Variants in IGSF11 observed in about 807,000 individuals in gnomAD.
IGSF11 encodes the protein immunoglobulin superfamily member 11.
In IGSF11, 22 loss-of-function variants were observed where a neutral mutation model predicts 41.0. The ratio of observed to expected loss-of-function variants is 0.54; its 90% CI spans 0.38 to 0.77. The LOEUF (loss-of-function observed/expected upper bound fraction) is 0.77, where lower values mean the gene tolerates loss of function less well. IGSF11 is among the 30% of genes least tolerant of loss of function. The pLI is 0.00. For missense variants in IGSF11, 444 were observed against 530.8 expected, an observed-to-expected ratio of 0.84 and a Z score of 1.61; for synonymous variants, 219 against 201.3, an observed-to-expected ratio of 1.09 and a Z score of -0.74.
At chr3:119,079,254 G>A (rs1367918936) in intron 1 of IGSF11, among the ~76,000 whole-genome samples, 4 of 152,102 alleles carry the variant, frequency 2.6e-5, no homozygotes, top group Non-Finnish European at 4.4e-5. Context: ...AGCTACTTGG[G>A]AGGCTGAGGC....
At chr3:119,058,571 C>A (rs1941940109) in intron 1 of IGSF11, among the ~76,000 whole-genome samples, 1 of 152,188 alleles carries the variant, frequency 6.6e-6, no homozygotes, top group African/African-American at 2.4e-5. Context: ...TGTGGCGATT[C>A]CTCAGGGATC....
intron 1 of IGSF11, among the ~76,000 whole-genome samples, chr3:118,942,536 A>C (rs192052049): frequency 6.6e-6 from 1 of 152,346 alleles, no homozygotes; most frequent in Non-Finnish European, 1.5e-5. Context: ...AGTCCAAGCT[A>C]CACAAGAGGC....
rs564264688 is a variant in IGSF11 at position 119,060,406 on chromosome 3, T to C, written c.49+44738A>G. ...AAGAACCATAAGATTTTGAAAAAAT[T>C]GCCTCCAATCTGATAGCACATATGA... On this transcript the variant is annotated intron_variant, in intron 1 of 6. Transcript: ENST00000354673. Among the ~76,000 whole-genome samples, 7 of 152,252 alleles carry C rather than the reference T, an allele frequency of 4.6e-5. No individual in the cohort carries two copies. In the South Asian group the frequency reaches 1.5e-3, roughly 32 times the overall value.
At chr3:118,977,014 A>G (rs1417444964) in intron 1 of IGSF11, among the ~76,000 whole-genome samples, 1 of 152,196 alleles carries the variant, frequency 6.6e-6, no homozygotes, top group African/African-American at 2.4e-5. Context: ...ATGTTCATTT[A>G]TTAATGGAAA....
At chr3:118,930,378 T>A in intron 1 of IGSF11, 103 bp from the exon 2 acceptor site, 5 of 1,101,694 alleles carry the variant, frequency 4.5e-6, no homozygotes, top group Non-Finnish European at 5.1e-6. Flanking sequence ...TATTATTGAT[T>A]ATGTGAACAG....
At chr3:118,919,999 C>CT (rs1163309074) in intron 4 of IGSF11, among the ~76,000 whole-genome samples, 1 of 134,950 alleles carries the variant, frequency 7.4e-6, no homozygotes, top group Non-Finnish European at 1.6e-5. Flanking sequence ...TCTCAGTAAA[C>CT]TATCGCAAGA....
intron 1 of IGSF11, among the ~76,000 whole-genome samples, chr3:119,136,855 T>A (rs1490472392): frequency 6.6e-6 from 1 of 152,010 alleles, no homozygotes; most frequent in Non-Finnish European, 1.5e-5. Flanking sequence ...AAAAAAACTA[T>A]TAGAACTGAT....
chr3:119,011,841 C>G (rs1304317716), intron 1 of IGSF11, among the ~76,000 whole-genome samples: 1 of 151,944 alleles, frequency 6.6e-6, no homozygotes, highest in African/African-American at 2.4e-5. Context: ...ACACAGCATT[C>G]AAAATGTTGA....
intron 1 of IGSF11, among the ~76,000 whole-genome samples, chr3:118,937,830 C>G (rs894708783): frequency 6.6e-6 from 1 of 152,120 alleles, no homozygotes; most frequent in Non-Finnish European, 1.5e-5. Context: ...TAATTGTATT[C>G]TATTTCTATG....
chr3:119,109,885 T>A (rs2077114692), upstream of IGSF11, among the ~76,000 whole-genome samples: 1 of 152,210 alleles, frequency 6.6e-6, no homozygotes, highest in African/African-American at 2.4e-5. Context: ...TCAGTTTCCA[T>A]GTAGTTGAGC....
At chr3:119,141,802 T>G (rs547362817) in intron 1 of IGSF11, among the ~76,000 whole-genome samples, 37 of 152,120 alleles carry the variant, frequency 2.4e-4, no homozygotes, top group African/African-American at 8.9e-4. Flanking sequence ...ATAACCTAAG[T>G]ATCCATCAAC....
chr3:118,938,007 ATC>A (rs763112286), intron 1 of IGSF11, among the ~76,000 whole-genome samples: 90 of 150,744 alleles, frequency 6.0e-4, no homozygotes, highest in African/African-American at 2.0e-3. Flanking sequence ...TCCAAAAGAT[ATC>A]TCTCTCTCTC....
At chr3:119,023,262 CAAAAAAAAAAAA>C (rs3049118) in intron 1 of IGSF11, among the ~76,000 whole-genome samples, 6 of 60,262 alleles carry the variant, frequency 1.0e-4, no homozygotes, top group South Asian at 8.2e-4. Flanking sequence ...GACTCCGTCT[CAAAAAAAAAAAA>C]AAAAAAAAAA....
At chr3:119,054,415 A>G (rs1941740293) in intron 1 of IGSF11, among the ~76,000 whole-genome samples, 1 of 152,250 alleles carries the variant, frequency 6.6e-6, no homozygotes, top group Admixed American at 6.5e-5. Context: ...ACAAATGGTC[A>G]CCAAACATGT....
chr3:119,086,265 G>A (rs2076671307), intron 1 of IGSF11, among the ~76,000 whole-genome samples: 1 of 152,192 alleles, frequency 6.6e-6, no homozygotes, highest in Non-Finnish European at 1.5e-5. Context: ...ATGACTCACT[G>A]ACATTCTTAA....
intron 1 of IGSF11, among the ~76,000 whole-genome samples, chr3:119,087,400 A>ATT (rs1194309520): frequency 8.5e-6 from 1 of 117,442 alleles, no homozygotes; most frequent in Middle Eastern, 4.0e-3. Context: ...ACACACACAC[A>ATT]CATACACACA....
intron 1 of IGSF11, among the ~76,000 whole-genome samples, chr3:118,963,693 CTTAG>C (rs1945487017): frequency 6.6e-6 from 1 of 152,126 alleles, no homozygotes; most frequent in South Asian, 2.1e-4. Flanking sequence ...TTCAGAAATA[CTTAG>C]TTATTGTCTT....
intron 3 of IGSF11, among the ~76,000 whole-genome samples, chr3:118,927,384 A>T (rs1012398969): frequency 1.3e-5 from 2 of 152,228 alleles, no homozygotes; most frequent in Non-Finnish European, 2.9e-5. Context: ...CCTAACTTAC[A>T]GGTCTAAGTA....
chr3:119,112,253 C>G (rs62273473), intron 1 of IGSF11, among the ~76,000 whole-genome samples: 16,439 of 152,228 alleles, frequency 0.11, 1,147 homozygotes, highest in Non-Finnish European at 0.14. Flanking sequence ...CCACCCAGCT[C>G]GAGCTTCCCG....
Sources: gnomAD v4.1 joint callset for allele counts (sites outside exome capture counted in the v4.1 genomes callset) on GRCh38, gnomAD v4.1.1 for gene constraint, MANE v1.5 for transcripts, NCBI Gene and HGNC (gene_info 2026-07-23, HGNC 2026-07-21) for gene names.